SLC25A21: variants seen among roughly 807,000 people sequenced by gnomAD.
The protein encoded by SLC25A21 is solute carrier family 25 member 21.
SLC25A21 carries 47 observed loss-of-function variants against 43.8 expected under a neutral mutation model. The ratio of observed to expected loss-of-function variants is 1.07; its 90% confidence interval spans 0.85 to 1.37. The LOEUF (loss-of-function observed/expected upper bound fraction) is 1.37. Ranked by LOEUF, SLC25A21 falls within the 40% of genes most tolerant of loss-of-function variation. The pLI, the probability that SLC25A21 is intolerant of heterozygous loss-of-function variation, is 0.00. For missense variants in SLC25A21, 352 were observed against 350.2 expected, an observed-to-expected ratio of 1.00 and a Z score of -0.04; for synonymous variants, 131 against 121.3, an observed-to-expected ratio of 1.08 and a Z score of -0.52.
At chr14:36,728,363 G>A (rs1475101238) in intron 5 of SLC25A21, among the ~76,000 whole-genome samples, 1 of 152,130 alleles carries the variant, frequency 6.6e-6, no homozygotes, top group African/African-American at 2.4e-5. Context: ...ACAGCCAGCT[G>A]GCCCTCTGGA....
intron 1 of SLC25A21, among the ~76,000 whole-genome samples, chr14:37,128,538 C>CTG (rs367948974): frequency 0.077 from 9,503 of 122,664 alleles, 444 homozygotes; most frequent in Middle Eastern, 0.12. Context: ...CTCTCTCTCT[C>CTG]TGTGTGTGTG....
chr14:37,137,992 G>A (rs1963511660), intron 1 of SLC25A21, among the ~76,000 whole-genome samples: 1 of 152,158 alleles, frequency 6.6e-6, no homozygotes, highest in Non-Finnish European at 1.5e-5. Context: ...TTTTACTTAT[G>A]TTGCTTACAT....
At chr14:36,727,776 A>G (rs542081086) in intron 5 of SLC25A21, among the ~76,000 whole-genome samples, 1 of 152,180 alleles carries the variant, frequency 6.6e-6, no homozygotes, top group Non-Finnish European at 1.5e-5. Flanking sequence ...TGATGTTTCC[A>G]TTTCATCTCC....
chr14:36,841,500 G>A (rs1889382486), intron 2 of SLC25A21, among the ~76,000 whole-genome samples: 1 of 151,984 alleles, frequency 6.6e-6, no homozygotes, highest in African/African-American at 2.4e-5. Flanking sequence ...TCTTTTCATT[G>A]CTCGATTATC....
At chr14:37,124,480 GATTTTCCCAATAT>G (rs1306591336) in intron 1 of SLC25A21, among the ~76,000 whole-genome samples, 1 of 151,950 alleles carries the variant, frequency 6.6e-6, no homozygotes, top group Non-Finnish European at 1.5e-5. Flanking sequence ...GCACCAACTA[GATTTTCCCAATAT>G]ATTATTGTTA....
intron 2 of SLC25A21, among the ~76,000 whole-genome samples, chr14:36,830,365 C>T (rs942784793): frequency 5.3e-5 from 8 of 152,154 alleles, no homozygotes; most frequent in African/African-American, 1.7e-4. Context: ...GTGCCTCATT[C>T]GCGGAAGTGA....
At chr14:37,129,107 T>A (rs72669558) in intron 1 of SLC25A21, among the ~76,000 whole-genome samples, 4,425 of 152,280 alleles carry the variant, frequency 0.029, 146 homozygotes, top group Admixed American at 0.094. Flanking sequence ...TTTCCATCAA[T>A]GCAGAAAGGT....
chr14:37,044,657 G>T (rs1163945180), intron 1 of SLC25A21, among the ~76,000 whole-genome samples: 1 of 152,038 alleles, frequency 6.6e-6, no homozygotes, highest in East Asian at 1.9e-4. Context: ...GTACATTATT[G>T]GGCTTTCTTA....
intron 1 of SLC25A21, among the ~76,000 whole-genome samples, chr14:36,957,995 A>G (rs2138670160): frequency 6.6e-6 from 1 of 152,354 alleles, no homozygotes; most frequent in African/African-American, 2.4e-5. Context: ...AACATATATA[A>G]CATAGGACAT....
intron 2 of SLC25A21, among the ~76,000 whole-genome samples, chr14:36,822,765 T>G (rs1194957186): frequency 6.6e-6 from 1 of 152,226 alleles, no homozygotes; most frequent in East Asian, 1.9e-4. Flanking sequence ...CTTTAAGTAA[T>G]TTCCTGTGAT....
At chr14:37,028,095 T>G (rs1159375929) in intron 1 of SLC25A21, among the ~76,000 whole-genome samples, 1 of 152,110 alleles carries the variant, frequency 6.6e-6, no homozygotes, top group Non-Finnish European at 1.5e-5. Context: ...ATATATTATA[T>G]CCAAATTCTT....
chr14:37,130,087 C>CAAAAA (rs111382394), intron 1 of SLC25A21, among the ~76,000 whole-genome samples: 1 of 121,056 alleles, frequency 8.3e-6, no homozygotes, highest in Non-Finnish European at 1.6e-5. Flanking sequence ...CCTGTCTCTA[C>CAAAAA]AAAAAAAAAA....
chr14:36,978,140 A>C (rs1243710894), intron 1 of SLC25A21, among the ~76,000 whole-genome samples: 1 of 152,134 alleles, frequency 6.6e-6, no homozygotes, highest in Non-Finnish European at 1.5e-5. Flanking sequence ...TCTAAGGTAC[A>C]ACAACAATAT....
intron 3 of SLC25A21, among the ~76,000 whole-genome samples, chr14:36,773,064 G>T (rs1359712848): frequency 6.6e-6 from 1 of 152,150 alleles, no homozygotes; most frequent in African/African-American, 2.4e-5. Context: ...TTTTTCTGCT[G>T]CAGTACTATG....
chr14:36,864,576 G>A (rs1890159044), intron 2 of SLC25A21, among the ~76,000 whole-genome samples: 1 of 152,144 alleles, frequency 6.6e-6, no homozygotes, highest in Non-Finnish European at 1.5e-5. Context: ...CCCTATTATG[G>A]TCATGCACCT....
chr14:37,008,930 A>G (rs191634496), intron 1 of SLC25A21, among the ~76,000 whole-genome samples: 3 of 152,346 alleles, frequency 2.0e-5, no homozygotes, highest in South Asian at 4.1e-4. Flanking sequence ...ATAATTTGAA[A>G]TGGAAAACCA....
chr14:36,739,287 G>A (rs899457141), intron 3 of SLC25A21, among the ~76,000 whole-genome samples: 6 of 152,084 alleles, frequency 3.9e-5, no homozygotes, highest in African/African-American at 1.2e-4. Flanking sequence ...AAGTTTTTGG[G>A]ATATTGATTA....
At chr14:37,070,945 G>T (rs1271035521) in intron 1 of SLC25A21, among the ~76,000 whole-genome samples, 1 of 152,144 alleles carries the variant, frequency 6.6e-6, no homozygotes, top group Non-Finnish European at 1.5e-5. Flanking sequence ...AGTTTCCCCG[G>T]GGGAAGGACT....
intron 1 of SLC25A21, among the ~76,000 whole-genome samples, chr14:37,130,694 G>A (rs1277590145): frequency 6.6e-6 from 1 of 152,232 alleles, no homozygotes; most frequent in East Asian, 1.9e-4. Context: ...CAGACTTACA[G>A]CCAGAGAAGA....
Sources: allele counts gnomAD v4.1 joint callset (sites outside exome capture counted in the v4.1 genomes callset), GRCh38; gene constraint gnomAD v4.1.1; transcripts MANE v1.5; gene names NCBI Gene and HGNC (gene_info 2026-07-23, HGNC 2026-07-21).